Variants in NOP9 observed in about 807,000 individuals in gnomAD.
NOP9 encodes nucleolar protein 9.
A neutral mutation model predicts 63.0 loss-of-function variants in NOP9; 50 were observed. The ratio of observed to expected loss-of-function variants is 0.79; its 90% CI spans 0.63 to 1.00. The LOEUF is 1.00. Ranked by LOEUF, NOP9 falls within the 50% of genes least tolerant of loss-of-function variation. The pLI is 0.00. For synonymous variants in NOP9, 343 were observed against 332.8 expected (o/e 1.03, Z -0.33); for missense variants, 758 against 803.0 (o/e 0.94, Z 0.68).
chr14:24,304,025 ATC>A lies in NOP9; in HGVS notation c.1411-12_1411-11del, dbSNP rs1323790245. 3 of 1,610,776 alleles carry A rather than the reference ATC, an allele frequency of 1.9e-6. No individual in the cohort carries two copies. The highest frequency in any genetic ancestry group is 1.7e-6 in the Non-Finnish European group (2 of 1,177,100). On this transcript the variant is annotated splice_polypyrimidine_tract_variant and intron_variant, in intron 7 of 9. Coordinates refer to ENST00000267425, the MANE Select transcript of NOP9 (RefSeq NM_174913.3). Reference sequence around the variant, plus strand: ...GCTTGTTGGTGCCTCCTAATTTCTTATCTCTGCGCTGCCAGGTGGCAATGGCC... The same window carrying A: ...GCTTGTTGGTGCCTCCTAATTTCTTATCTGCGCTGCCAGGTGGCAATGGCC...
chr14:24,298,986 G>C (rs565891970), upstream of NOP9: 18 of 1,612,992 alleles, frequency 1.1e-5, no homozygotes, highest in South Asian at 1.8e-4. Flanking sequence ...AGGGTGTCCA[G>C]ATGGCGGCCA....
At chr14:24,286,147 G>A in the NOP9 span, among the ~76,000 whole-genome samples, 7 of 152,152 alleles carry the variant, frequency 4.6e-5, no homozygotes, top group African/African-American at 9.7e-5. Context: ...TCAGTGCTAC[G>A]TCTGGCACAC....
the NOP9 span, chr14:24,291,342 C>T: frequency 3.4e-6 from 4 of 1,178,684 alleles, no homozygotes; most frequent in Non-Finnish European, 3.8e-6. Context: ...AGAGCTCTTT[C>T]TCTTGGGCCT....
the NOP9 span, among the ~76,000 whole-genome samples, chr14:24,272,629 C>G: frequency 1.3e-5 from 2 of 152,212 alleles, no homozygotes; most frequent in Non-Finnish European, 2.9e-5. Flanking sequence ...ATATCTGTGC[C>G]TAAAAGTGCT....
chr14:24,281,204 G>A, the NOP9 span, among the ~76,000 whole-genome samples: 1 of 152,206 alleles, frequency 6.6e-6, no homozygotes, highest in Non-Finnish European at 1.5e-5. Flanking sequence ...CCCCTGAGCG[G>A]GGGTTTTGAG....
At chr14:24,290,420 G>A in the NOP9 span, among the ~76,000 whole-genome samples, 1 of 152,200 alleles carries the variant, frequency 6.6e-6, no homozygotes, top group Admixed American at 6.5e-5. Context: ...GAGCGACTCT[G>A]CTCCTCAGCT....
chr14:24,304,156 T>C lies in NOP9; in HGVS notation c.1526T>C (p.Leu509Ser). Residue 509 changes from leucine to serine, a missense_variant, in exon 8 of 10, where the codon TTG becomes TCG. By Grantham distance (145) the Leu-to-Ser change is moderately radical (BLOSUM62 -2). Coordinates refer to ENST00000267425, the MANE Select transcript of NOP9 (RefSeq NM_174913.3). ...CTTGTACTTCGAAGTCTGGGTGCCT[T>C]GACGGGACCACAGCTTCTGTCCCTT... is the stretch of plus-strand genomic sequence containing the variant. ...PGLVLRSLGA[L>S]TGPQLLSLAQ... 1 of 1,614,240 alleles carries C rather than the reference T, an allele frequency of 6.2e-7. No homozygotes were observed. Among genetic ancestry groups the C allele is most frequent in the East Asian group, 2.2e-5 (1 of 44,890 alleles).
Position 24,299,923 on chromosome 14 carries a change from G to A in NOP9, c.-32G>A, listed in dbSNP as rs199739384. ...CGAAGGTCCGTCCGCAGTTAAGGAA[G>A]CTTTTGCAGCCGGACAGGTCGCGAA... On this transcript the variant is annotated 5_prime_UTR_variant, in exon 1 of 10. Transcript: ENST00000267425. The A allele has an allele frequency of 8.3e-5, 125 of 1,513,416 alleles. No individual in the cohort carries two copies. The East Asian group carries it at 2.7e-3, about 33-fold the overall frequency. The allele number at this position is 1,513,416 out of a possible 1,614,324, so 93.7% of individuals were successfully genotyped here. A position where few individuals can be genotyped will look rare whatever the true frequency, so the allele number is the denominator to read the frequency against.
the NOP9 span, among the ~76,000 whole-genome samples, chr14:24,289,694 A>C: frequency 6.6e-6 from 1 of 152,256 alleles, no homozygotes; most frequent in Non-Finnish European, 1.5e-5. Context: ...TCTCTAAAAG[A>C]AAGCTTTGAT....
chr14:24,301,600 A>G lies in NOP9; in HGVS notation c.698-12A>G, dbSNP rs1285561632. 6.2e-7 allele frequency: 1 copy of G among 1,614,096 alleles called. No homozygotes were observed. ...GATCTCCCCACTGCACATGTTCTTA[A>G]TCTTCCTTCAGAAGCACAGAAGACC... On this transcript the variant is annotated splice_polypyrimidine_tract_variant and intron_variant, in intron 2 of 9. Coordinates refer to ENST00000267425, the MANE Select transcript of NOP9 (RefSeq NM_174913.3).
the NOP9 span, among the ~76,000 whole-genome samples, chr14:24,272,516 C>A: frequency 2.0e-5 from 3 of 152,226 alleles, no homozygotes; most frequent in African/African-American, 7.2e-5. Flanking sequence ...AATTTCTTCT[C>A]CAGATTGTTG....
At chr14:24,296,948 A>T (rs181946725), upstream of NOP9, 77 of 1,605,008 alleles carry the variant, frequency 4.8e-5, 1 homozygote, top group Non-Finnish European at 7.7e-6. Flanking sequence ...AAACTCCCCA[A>T]CCAAAGTGGG....
At chr14:24,293,706 G>A in the NOP9 span, 1 of 151,664 alleles carries the variant, frequency 6.6e-6, no homozygotes, top group Non-Finnish European at 1.5e-5. Flanking sequence ...AAATGCACAG[G>A]GGCCAGGCAT....
chr14:24,302,136 G>C lies in NOP9; in HGVS notation c.950+30G>C, dbSNP rs373980463. 16 of 1,606,902 alleles carry C rather than the reference G, an allele frequency of 1.0e-5. No homozygotes were observed. In the African/African-American group the frequency reaches 2.0e-4, roughly 20 times the overall value. On this transcript the variant is annotated intron_variant, in intron 4 of 9. Coordinates refer to ENST00000267425, the MANE Select transcript of NOP9 (RefSeq NM_174913.3). ...GGTCAGGGCCTCAGGATCGACCCAA[G>C]TTGGCGGGGCTGTGTGAAATGAATG... is the stretch of plus-strand genomic sequence containing the variant.
In NOP9 at chr14:24,305,170, A is replaced by G; in HGVS notation, c.*75A>G. 1 of 1,321,438 alleles carries G rather than the reference A, an allele frequency of 7.6e-7. No individual in the cohort carries two copies. 81.9% of individuals were successfully genotyped at this position (1,321,438 alleles called of 1,614,324 possible). ...TCCACCCCATCCCTTTCCTGGTTTA[A>G]ATTGGAGTCAGAAGTCTTAGTGGTA... On this transcript the variant is annotated 3_prime_UTR_variant, in exon 10 of 10. Transcript: ENST00000267425.
At chr14:24,281,199 G>A in the NOP9 span, among the ~76,000 whole-genome samples, 2 of 152,218 alleles carry the variant, frequency 1.3e-5, no homozygotes, top group Non-Finnish European at 2.9e-5. Context: ...TTAGGCCCCT[G>A]AGCGGGGGTT....
At chr14:24,280,450 T>C in the NOP9 span, among the ~76,000 whole-genome samples, 1 of 152,204 alleles carries the variant, frequency 6.6e-6, no homozygotes, top group South Asian at 2.1e-4. Context: ...TAGCTCATCC[T>C]GTGGGTGCAG....
chr14:24,303,443 G>T (rs2041414164), intron 6 of NOP9, among the ~76,000 whole-genome samples: 1 of 150,692 alleles, frequency 6.6e-6, no homozygotes, highest in East Asian at 1.9e-4. Context: ...CTGGAGTGCA[G>T]TGGCGCAATC....
At chr14:24,298,281 G>C (rs1233671465), upstream of NOP9, among the ~76,000 whole-genome samples, 1 of 152,172 alleles carries the variant, frequency 6.6e-6, no homozygotes, top group Non-Finnish European at 1.5e-5. Context: ...CCAACTGCTG[G>C]CCTCAAGTGA....
Sources: allele counts gnomAD v4.1 joint callset (sites outside exome capture counted in the v4.1 genomes callset), GRCh38; gene constraint gnomAD v4.1.1; transcripts MANE v1.5; gene names NCBI Gene and HGNC (gene_info 2026-07-23, HGNC 2026-07-21).